Variants in LIPG observed in about 807,000 individuals in gnomAD.
The protein encoded by LIPG is lipase G, endothelial type, also known as endothelial lipase.
LIPG carries 34 observed loss-of-function variants against 51.8 expected under a neutral mutation model. The ratio of observed to expected loss-of-function variants is 0.66; its 90% CI spans 0.50 to 0.87. The LOEUF is 0.87. Ranked by LOEUF, LIPG falls within the 40% of genes least tolerant of loss-of-function variation. The pLI is 0.00. For missense variants in LIPG, 580 were observed against 652.7 expected, an observed-to-expected ratio of 0.89 and a Z score of 1.21; for synonymous variants, 246 against 246.1, an observed-to-expected ratio of 1.00 and a Z score of 0.00.
At chr18:49,574,300 T>G (rs1024118561) in intron 4 of LIPG, among the ~76,000 whole-genome samples, 1 of 152,146 alleles carries the variant, frequency 6.6e-6, no homozygotes, top group Non-Finnish European at 1.5e-5. Context: ...TTCCATTTTA[T>G]AAATGATAAT....
rs1451528223 is a variant in LIPG at position 49,578,002 on chromosome 18, C to T, written c.793+2412C>T. On this transcript the variant is annotated intron_variant, in intron 5 of 9. Transcript: ENST00000261292. Reference sequence around the variant, plus strand: ...CCCCCCACCTCCCTCCCGGACGGCACGGCTGGCCAGGCGGGGGGCTGACCC... The same window carrying T: ...CCCCCCACCTCCCTCCCGGACGGCATGGCTGGCCAGGCGGGGGGCTGACCC... Among the ~76,000 whole-genome samples the T allele has an allele frequency of 6.0e-3, 806 of 135,218 alleles. 1 individual carries two copies. Among genetic ancestry groups the T allele is most frequent in the Non-Finnish European group, 8.1e-3 (505 of 62,498 alleles). 88.7% of individuals were successfully genotyped at this position (135,218 alleles called of 152,430 possible).
rs1036736173 is a variant in LIPG at position 49,590,376 on chromosome 18, A to G, written c.1482-125A>G. ...CATTTATTCTGAAAGGAATACATGT[A>G]AAATAGTCCCATAGGGGTGTCAGAA... On this transcript the variant is annotated intron_variant, in intron 9 of 9. Coordinates refer to ENST00000261292, the MANE Select transcript of LIPG (RefSeq NM_006033.4). 9 of 985,124 alleles carry G rather than the reference A, an allele frequency of 9.1e-6. No homozygotes were observed. The East Asian group carries it at 2.1e-4, about 23-fold the overall frequency. The allele number at this position is 985,124 out of a possible 1,614,324, so 61.0% of individuals were successfully genotyped here. A position where few individuals can be genotyped will look rare whatever the true frequency, so the allele number is the denominator to read the frequency against.
At position 49,590,836 on chromosome 18, in the gene LIPG, C is replaced by T. The variant is rs977743107; in HGVS notation, c.*314C>T. 1.0e-5 allele frequency: 5 copies of T among 484,576 alleles called. No individual in the cohort carries two copies. Among genetic ancestry groups the T allele is most frequent in the African/African-American group, 2.0e-5 (1 of 51,098 alleles). The allele number at this position is 484,576 out of a possible 1,614,324, so 30.0% of individuals were successfully genotyped here. On this transcript the variant is annotated 3_prime_UTR_variant, in exon 10 of 10. Coordinates refer to ENST00000261292, the MANE Select transcript of LIPG (RefSeq NM_006033.4). The stretch of plus-strand genomic sequence containing the variant: ...TCTCGTGCACACTGGATTGGTTTCT[C>T]AGTTGCTGGGCGAGCCTGTACTCTG...
chr18:49,583,298 G>A (rs2084843518), intron 7 of LIPG, among the ~76,000 whole-genome samples: 1 of 152,178 alleles, frequency 6.6e-6, no homozygotes, highest in African/African-American at 2.4e-5. Context: ...TAGCATAAGT[G>A]GGGTGGAGGG....
chr18:49,586,769 C>T lies in LIPG; in HGVS notation c.1400C>T (p.Pro467Leu). ...AGACTGACATTTTGTACAGAAGACCCTGAGAACACCAGCATATCCCCAGGC... is the reference window on the plus strand; with the variant it reads ...AGACTGACATTTTGTACAGAAGACCTTGAGAACACCAGCATATCCCCAGGC... ...QRKLTFCTED[P>L]ENTSISPGRE... Residue 467 changes from proline (P) to leucine (L), a missense_variant, in exon 9 of 10, where the codon CCT becomes CTT. Physicochemically the swap from Pro to Leu is moderately conservative, Grantham distance 98. Coordinates refer to ENST00000261292, the MANE Select transcript of LIPG (RefSeq NM_006033.4). 6.2e-7 allele frequency: 1 copy of T among 1,614,014 alleles called. No individual in the cohort carries two copies. The highest frequency in any genetic ancestry group is 8.5e-7 in the Non-Finnish European group (1 of 1,179,912).
At chr18:49,576,422 C>CT (rs2084717638) in intron 5 of LIPG, among the ~76,000 whole-genome samples, 1 of 59,926 alleles carries the variant, frequency 1.7e-5, no homozygotes. Flanking sequence ...TATGGATATT[C>CT]TTTTTCTTTT....
intron 8 of LIPG, 69 bp downstream of exon 8, chr18:49,583,843 C>T: frequency 7.1e-6 from 10 of 1,412,674 alleles, no homozygotes; most frequent in Middle Eastern, 5.0e-4. Context: ...TGTGACATTT[C>T]CTTTCCTTTG....
At chr18:49,576,627 C>A (rs12326641) in intron 5 of LIPG, among the ~76,000 whole-genome samples, 34,998 of 151,558 alleles carry the variant, frequency 0.23, 4,508 homozygotes, top group East Asian at 0.32. Flanking sequence ...ACCATGCCAT[C>A]CCCGGCTAAT....
intron 3 of LIPG, among the ~76,000 whole-genome samples, chr18:49,568,901 G>A (rs1383902935): frequency 6.6e-6 from 1 of 152,072 alleles, no homozygotes; most frequent in African/African-American, 2.4e-5. Context: ...TTTGGTTTCC[G>A]AGCCATGGGG....
chr18:49,565,370 T>G lies in LIPG; in HGVS notation c.151T>G (p.Phe51Val). Residue 51 changes from phenylalanine (F) to valine (V), a missense_variant, in exon 2 of 10, where the codon TTT (phenylalanine) becomes GTT (valine). Coordinates refer to ENST00000261292, the MANE Select transcript of LIPG (RefSeq NM_006033.4). ...TQTEVKPSVR[F>V]NLRTSKDPEH... ...GACTGAGGTCAAACCATCTGTGAGG[T>G]TTAACCTCCGCACCTCCAAGGACCC... 6.2e-7 allele frequency: 1 copy of G among 1,614,108 alleles called. No homozygotes were observed. Among genetic ancestry groups the G allele is most frequent in the Non-Finnish European group, 8.5e-7 (1 of 1,180,006 alleles).
At chr18:49,565,785 C>T (rs962924835) in intron 2 of LIPG, among the ~76,000 whole-genome samples, 7 of 152,228 alleles carry the variant, frequency 4.6e-5, no homozygotes, top group African/African-American at 1.2e-4. Flanking sequence ...CCTCTAATTA[C>T]ACTTAATTAC....
chr18:49,561,804 G>T (rs1048606877), upstream of LIPG: 4 of 1,256,722 alleles, frequency 3.2e-6, no homozygotes, highest in Non-Finnish European at 4.0e-6. Context: ...GAGGAGGGCA[G>T]TGGGAGAAAG....
chr18:49,573,961 G>C (rs574117866), intron 4 of LIPG, among the ~76,000 whole-genome samples: 2 of 152,176 alleles, frequency 1.3e-5, no homozygotes, highest in African/African-American at 2.4e-5. Context: ...ATGTTTAGCT[G>C]TATTCCTGGC....
In LIPG at chr18:49,562,272, A is replaced by G; in HGVS notation, c.-37A>G. On this transcript the variant is annotated 5_prime_UTR_variant, in exon 1 of 10. Transcript: ENST00000261292. ...CCAAGAGGTGGTTTTTGTTTTTTAA[A>G]ACTTCTGTTTCTTGGGAGGGGGTGT... is the stretch of plus-strand genomic sequence containing the variant. The G allele has an allele frequency of 6.8e-6, 11 of 1,612,312 alleles. No homozygotes were observed. The highest frequency in any genetic ancestry group is 7.6e-6 in the Non-Finnish European group (9 of 1,179,946).
Position 49,590,496 on chromosome 18 carries a change from T to C in LIPG, c.1482-5T>C. 1 of 1,602,236 alleles carries C rather than the reference T, an allele frequency of 6.2e-7. No homozygotes were observed. The highest frequency in any genetic ancestry group is 8.5e-7 in the Non-Finnish European group (1 of 1,173,186). On this transcript the variant is annotated splice_polypyrimidine_tract_variant and splice_region_variant and intron_variant, in intron 9 of 9. Coordinates refer to ENST00000261292, the MANE Select transcript of LIPG (RefSeq NM_006033.4). ...CAAATGCCACTCTCACACGGTTTCT[T>C]TCAGTCCCACTGTGGAGCTTCCCTG...
chr18:49,576,493 G>C (rs757918097), intron 5 of LIPG, among the ~76,000 whole-genome samples: 1 of 57,326 alleles, frequency 1.7e-5, no homozygotes, highest in African/African-American at 7.9e-5. Context: ...TTGAGACGGA[G>C]TTTTGCTGTT....
chr18:49,583,450 C>T (rs2084845533), intron 7 of LIPG, 106 bp from the exon 8 acceptor site: 2 of 891,948 alleles, frequency 2.2e-6, no homozygotes, highest in Non-Finnish European at 1.9e-6. Flanking sequence ...CTCACACTGT[C>T]TCTCTCCTGT....
chr18:49,577,870 C>T (rs1174250829), intron 5 of LIPG, among the ~76,000 whole-genome samples: 3 of 109,978 alleles, frequency 2.7e-5, no homozygotes, highest in Admixed American at 8.2e-5. Context: ...CCCTCCCAGA[C>T]GGGGTGGCTG....
chr18:49,569,563 C>T lies in LIPG; in HGVS notation c.571+15C>T. ...CCGAATCACAGGTGAGCTCCACTTC[C>T]ATCACTAAAGGGCTCCCTCAGCTGC... On this transcript the variant is annotated intron_variant, in intron 4 of 9. Coordinates refer to ENST00000261292, the MANE Select transcript of LIPG (RefSeq NM_006033.4). The T allele has an allele frequency of 6.3e-7, 1 of 1,597,884 alleles. No homozygotes were observed. The highest frequency in any genetic ancestry group is 1.1e-5 in the South Asian group (1 of 90,570).
Sources: allele counts gnomAD v4.1 joint callset (sites outside exome capture counted in the v4.1 genomes callset), GRCh38; gene constraint gnomAD v4.1.1; transcripts MANE v1.5; gene names NCBI Gene and HGNC (gene_info 2026-07-23, HGNC 2026-07-21).